UGGT2: variants seen among roughly 807,000 people sequenced by gnomAD.
UGGT2 encodes the protein UDP-glucose:glycoprotein glucosyltransferase 2.
In UGGT2, 180 loss-of-function variants were observed where a neutral mutation model predicts 192.1. The observed-to-expected ratio is 0.94, with a 90% CI of 0.83 to 1.06. The LOEUF is 1.06. Among genes scored for constraint, UGGT2 ranks in the 50% least tolerant of loss-of-function variants. The probability of loss-of-function intolerance (pLI) is 0.00; values close to 1 mark genes in which losing one functional copy is unlikely to be tolerated. For synonymous variants in UGGT2, 580 were observed against 591.0 expected (o/e 0.98, Z 0.27); for missense variants, 1,849 against 1,795.7 (o/e 1.03, Z -0.54).
chr13:96,017,520 T>C (rs2052376263), intron 4 of UGGT2, among the ~76,000 whole-genome samples: 1 of 152,206 alleles, frequency 6.6e-6, no homozygotes. Context: ...CTCTTTTACT[T>C]ATAAATTACC....
intron 27 of UGGT2, among the ~76,000 whole-genome samples, chr13:95,878,872 A>G (rs2047415460): frequency 6.6e-6 from 1 of 152,192 alleles, no homozygotes; most frequent in Admixed American, 6.5e-5. Flanking sequence ...ACTGGTTTTA[A>G]GAACAAAAAA....
chr13:95,928,372 G>A (rs1594354456), intron 17 of UGGT2, among the ~76,000 whole-genome samples: 1 of 99,828 alleles, frequency 1.0e-5, no homozygotes, highest in Non-Finnish European at 2.6e-5. Flanking sequence ...ACGGCTGCCG[G>A]GCGGAGACGC....
Position 95,999,232 on chromosome 13 carries a change from G to A in UGGT2, c.736C>T (p.Leu246=), listed in dbSNP as rs748040199. 1.2e-6 allele frequency: 2 copies of A among 1,613,474 alleles called. No homozygotes were observed. The highest frequency in any genetic ancestry group is 2.2e-5 in the South Asian group (2 of 91,022). The change falls in exon 6 of 39, where the codon CTG becomes TTG. Residue 246 remains leucine (L), a synonymous_variant. Transcript: ENST00000376747. ...TTACTTTTAACTTGGGTATCATCCA[G>A]TGCTTTGTATTCTGTACTCTTAATT... The part of the protein sequence containing the change: ...LAIKSTEYKA[L]DDTQVKTVTN...
At chr13:95,950,588 G>GA (rs2050028420) in intron 12 of UGGT2, among the ~76,000 whole-genome samples, 1 of 37,726 alleles carries the variant, frequency 2.7e-5, no homozygotes. Context: ...ATATTGAAAT[G>GA]AAACAGGAAA....
At chr13:95,969,347 T>C (rs962004202) in intron 12 of UGGT2, among the ~76,000 whole-genome samples, 2 of 152,192 alleles carry the variant, frequency 1.3e-5, no homozygotes, top group South Asian at 2.1e-4. Flanking sequence ...GCCATAACCA[T>C]GAATATAACA....
At chr13:95,825,893 T>G (rs1175717785) in intron 38 of UGGT2, among the ~76,000 whole-genome samples, 1 of 152,098 alleles carries the variant, frequency 6.6e-6, no homozygotes, top group East Asian at 1.9e-4. Flanking sequence ...CTTCCCCTTC[T>G]CCTAGGAGTA....
At chr13:95,890,470 C>T (rs1292512993) in intron 25 of UGGT2, among the ~76,000 whole-genome samples, 1 of 152,146 alleles carries the variant, frequency 6.6e-6, no homozygotes, top group East Asian at 1.9e-4. Flanking sequence ...TTTGTGAAGT[C>T]TCCCTCTGTT....
chr13:96,006,151 T>A (rs902310209), intron 5 of UGGT2, among the ~76,000 whole-genome samples: 2 of 152,164 alleles, frequency 1.3e-5, no homozygotes, highest in African/African-American at 4.8e-5. Flanking sequence ...AAAATAATGA[T>A]TAACATGTTA....
intron 38 of UGGT2, among the ~76,000 whole-genome samples, chr13:95,831,700 A>C (rs1216059031): frequency 3.9e-5 from 6 of 152,102 alleles, no homozygotes; most frequent in Admixed American, 3.9e-4. Flanking sequence ...CTATACGTTT[A>C]CTTGTATAAA....
intron 6 of UGGT2, among the ~76,000 whole-genome samples, chr13:95,998,356 A>G (rs1276850044): frequency 6.6e-6 from 1 of 152,220 alleles, no homozygotes; most frequent in Non-Finnish European, 1.5e-5. Flanking sequence ...AATACATAAA[A>G]TCAGAGTATT....
intron 38 of UGGT2, among the ~76,000 whole-genome samples, chr13:95,810,864 T>C (rs1378974690): frequency 6.6e-6 from 1 of 152,148 alleles, no homozygotes; most frequent in East Asian, 1.9e-4. Context: ...TTACACCTGG[T>C]AAGGTACTTG....
At chr13:95,869,437 G>C (rs1387742782) in intron 29 of UGGT2, among the ~76,000 whole-genome samples, 2 of 152,108 alleles carry the variant, frequency 1.3e-5, no homozygotes, top group African/African-American at 4.8e-5. Flanking sequence ...GGTATTTCTA[G>C]TTCTAGATCC....
At chr13:95,890,672 C>T (rs938304225) in intron 25 of UGGT2, among the ~76,000 whole-genome samples, 190 bp downstream of exon 25, 3 of 152,134 alleles carry the variant, frequency 2.0e-5, no homozygotes, top group African/African-American at 4.8e-5. Flanking sequence ...CACAGCAACA[C>T]CTAACCTCAG....
intron 12 of UGGT2, among the ~76,000 whole-genome samples, chr13:95,953,690 A>G (rs1270022082): frequency 6.6e-6 from 1 of 152,088 alleles, no homozygotes; most frequent in Non-Finnish European, 1.5e-5. Flanking sequence ...TGAAGTGCAC[A>G]TCTAATGCCC....
intron 29 of UGGT2, among the ~76,000 whole-genome samples, chr13:95,870,595 G>A (rs1254908324): frequency 6.6e-6 from 1 of 152,140 alleles, no homozygotes; most frequent in African/African-American, 2.4e-5. Flanking sequence ...AGCTCTTTCT[G>A]GTTGGTCAGT....
In UGGT2 at chr13:95,902,973, A is replaced by C. The variant is rs1189875538; in HGVS notation, c.2383T>G (p.Leu795Val). The change falls in exon 21 of 39, where the codon TTG becomes GTG. Residue 795 changes from leucine (L) to valine (V), a missense_variant. Coordinates refer to ENST00000376747, the MANE Select transcript of UGGT2 (RefSeq NM_020121.4). The stretch of plus-strand genomic sequence containing the variant: ...TTCTTCTGTGTAAGAAAAGCTGCCA[A>C]AATTCCTCTAGAAATAGCTGTGTTC... ...EENTAISRGILAAFLTQKNMF... is the reference protein window; with the variant it reads ...EENTAISRGIVAAFLTQKNMF... 6.2e-7 allele frequency: 1 copy of C among 1,613,554 alleles called. No homozygotes were observed.
At chr13:95,875,567 A>G (rs1343498696) in intron 29 of UGGT2, among the ~76,000 whole-genome samples, 2 of 152,208 alleles carry the variant, frequency 1.3e-5, no homozygotes, top group African/African-American at 4.8e-5. Flanking sequence ...TCTAAAACAC[A>G]TATGGCCCTA....
chr13:95,884,627 G>A lies in UGGT2; in HGVS notation c.3092C>T (p.Ser1031Phe). 1 of 1,613,864 alleles carries A rather than the reference G, an allele frequency of 6.2e-7. No homozygotes were observed. The highest frequency in any genetic ancestry group is 8.5e-7 in the Non-Finnish European group (1 of 1,179,842). The change falls in exon 27 of 39, where the codon TCT becomes TTT. Residue 1031 changes from serine to phenylalanine, a missense_variant. Physicochemically the swap from Ser to Phe is radical, Grantham distance 155. Transcript: ENST00000376747. The part of the protein sequence containing the change: ...PELMSGANDV[S>F]SLGPVAKFLD... Reference sequence around the variant, plus strand: ...AAATTTTGCCACTGGTCCAAGAGAAGAAACGTCATTAGCCCCTGACATCAG... The same window carrying A: ...AAATTTTGCCACTGGTCCAAGAGAAAAAACGTCATTAGCCCCTGACATCAG...
At chr13:95,996,432 G>C (rs2051622828) in intron 6 of UGGT2, among the ~76,000 whole-genome samples, 1 of 151,692 alleles carries the variant, frequency 6.6e-6, no homozygotes. Flanking sequence ...GGAGGTGGAG[G>C]TTGCAGTGGA....
Sources: allele counts gnomAD v4.1 joint callset (sites outside exome capture counted in the v4.1 genomes callset), GRCh38; gene constraint gnomAD v4.1.1; transcripts MANE v1.5; gene names NCBI Gene and HGNC (gene_info 2026-07-23, HGNC 2026-07-21).